The following PTPN1 variants were observed in gnomAD, a reference collection of about 807,000 sequenced individuals.
PTPN1 encodes tyrosine-protein phosphatase non-receptor type 1.
A neutral mutation model predicts 59.9 loss-of-function variants in PTPN1; 12 were observed. That is an observed-to-expected ratio of 0.20 (90% confidence interval 0.13 to 0.32). PTPN1 has a LOEUF of 0.32. Ranked by LOEUF, PTPN1 falls within the 10% of genes least tolerant of loss-of-function variation. PTPN1 has a pLI of 1.00. For missense variants in PTPN1, 356 were observed against 549.2 expected (o/e 0.65, Z 3.52); for synonymous variants, 178 against 203.6 (o/e 0.87, Z 1.07).
rs5841805 is a variant in PTPN1 at position 50,538,224 on chromosome 20, TAA to T, written c.64-23127_64-23126del. Among the ~76,000 whole-genome samples the T allele has an allele frequency of 3.3e-3, 475 of 145,448 alleles. 3 individuals carry two copies. Among genetic ancestry groups the T allele is most frequent in the African/African-American group, 0.011 (445 of 40,016 alleles). ...TTGATTTGAGGGTGTTGTAAAAAGT[TAA>T]AAAAAAAAAAACAGAAATGTGAAAA... On this transcript the variant is annotated intron_variant, in intron 1 of 9. Coordinates refer to ENST00000371621, the MANE Select transcript of PTPN1 (RefSeq NM_002827.4).
At position 50,583,779 on chromosome 20, in the gene PTPN1, C is replaced by T. The variant is rs2082882046; in HGVS notation, c.*1064C>T. The T allele has an allele frequency of 6.6e-6, 1 of 152,656 alleles. No homozygotes were observed. Among genetic ancestry groups the T allele is most frequent in the Admixed American group, 6.5e-5 (1 of 15,282 alleles). The allele number at this position is 152,656 out of a possible 1,614,324, so 9.5% of individuals were successfully genotyped here. A position where few individuals can be genotyped will look rare whatever the true frequency, so the allele number is the denominator to read the frequency against. ...CTGGTACAGCAGGGTCTTGCTGTAA[C>T]TCAGACATTCCAAGGGTATGGGAAG... On this transcript the variant is annotated 3_prime_UTR_variant, in exon 10 of 10. Coordinates refer to ENST00000371621, the MANE Select transcript of PTPN1 (RefSeq NM_002827.4).
intron 1 of PTPN1, among the ~76,000 whole-genome samples, chr20:50,558,315 AAAG>A (rs1394442616): frequency 6.6e-6 from 1 of 152,234 alleles, no homozygotes; most frequent in African/African-American, 2.4e-5. Flanking sequence ...AAAAAGGTCA[AAAG>A]AAGCAGATGA....
chr20:50,581,481 G>A (rs371496607), intron 9 of PTPN1, 21 bp downstream of exon 9: 21 of 1,583,828 alleles, frequency 1.3e-5, no homozygotes, highest in Middle Eastern at 3.4e-4. Flanking sequence ...ACTGACAGAC[G>A]CGCTGGCGAG....
In PTPN1 at chr20:50,583,080, T is replaced by A; in HGVS notation, c.*365T>A. ...GGCGGCACGCCAACAGCCCCCCCCTTGAATCTGCAGGGAGCAACTCTCCAC... is the reference window on the plus strand; with the variant it reads ...GGCGGCACGCCAACAGCCCCCCCCTAGAATCTGCAGGGAGCAACTCTCCAC... On this transcript the variant is annotated 3_prime_UTR_variant, in exon 10 of 10. Transcript: ENST00000371621. 3.4e-6 allele frequency: 1 copy of A among 291,828 alleles called. No individual in the cohort carries two copies. Among genetic ancestry groups the A allele is most frequent in the Non-Finnish European group, 6.4e-6 (1 of 155,330 alleles). 18.1% of individuals were successfully genotyped at this position (291,828 alleles called of 1,614,324 possible).
At chr20:50,578,835 G>T (rs1292918507) in intron 6 of PTPN1, among the ~76,000 whole-genome samples, 1 of 152,250 alleles carries the variant, frequency 6.6e-6, no homozygotes, top group African/African-American at 2.4e-5. Flanking sequence ...TCTGCAGGCT[G>T]TACAAGCATG....
At chr20:50,579,661 G>T in intron 7 of PTPN1, 42 bp from the exon 8 acceptor site, 1 of 1,555,126 alleles carries the variant, frequency 6.4e-7, no homozygotes, top group Non-Finnish European at 8.8e-7. Flanking sequence ...CAAACCAGCC[G>T]AAGTGAACAC....
chr20:50,565,962 T>C (rs1219320073), intron 3 of PTPN1, among the ~76,000 whole-genome samples: 2 of 152,238 alleles, frequency 1.3e-5, no homozygotes, highest in East Asian at 3.8e-4. Context: ...GAGGCCTTTC[T>C]TCACTGCCTT....
At chr20:50,549,401 C>T (rs1235131310) in intron 1 of PTPN1, among the ~76,000 whole-genome samples, 2 of 152,106 alleles carry the variant, frequency 1.3e-5, no homozygotes, top group Non-Finnish European at 2.9e-5. Context: ...GTTTGTAAAG[C>T]AGTTGATTGT....
intron 1 of PTPN1, among the ~76,000 whole-genome samples, chr20:50,528,701 GAGACTCCATCTTAAAAAAAAAAA>G (rs1343882999): frequency 4.4e-5 from 6 of 135,928 alleles, no homozygotes; most frequent in South Asian, 2.6e-4. Flanking sequence ...GTGACAGAGT[GAGACTCCATCTTAAAAAAAAAAA>G]AGACTCCATC....
chr20:50,546,971 C>G (rs1275200815), intron 1 of PTPN1, among the ~76,000 whole-genome samples: 1 of 152,158 alleles, frequency 6.6e-6, no homozygotes, highest in Non-Finnish European at 1.5e-5. Flanking sequence ...GTAAACAAAA[C>G]AGAAGTGAAA....
At chr20:50,551,062 C>G (rs1568786234) in intron 1 of PTPN1, among the ~76,000 whole-genome samples, 1 of 152,134 alleles carries the variant, frequency 6.6e-6, no homozygotes, top group Non-Finnish European at 1.5e-5. Context: ...GACTTTTTGC[C>G]TAATTGAGTT....
intron 9 of PTPN1, among the ~76,000 whole-genome samples, chr20:50,581,916 A>G (rs1401889657): frequency 6.6e-6 from 1 of 152,160 alleles, no homozygotes; most frequent in Non-Finnish European, 1.5e-5. Context: ...CAGCCATATA[A>G]TTTATATTTG....
chr20:50,516,225 A>ATTT (rs11481265), intron 1 of PTPN1, among the ~76,000 whole-genome samples: 1 of 151,054 alleles, frequency 6.6e-6, no homozygotes, highest in Admixed American at 6.6e-5. Flanking sequence ...CAAGTCTTTG[A>ATTT]TTTTTTTTTT....
At chr20:50,516,030 G>A (rs1191391468) in intron 1 of PTPN1, among the ~76,000 whole-genome samples, 4 of 152,264 alleles carry the variant, frequency 2.6e-5, no homozygotes, top group Middle Eastern at 3.4e-3. Flanking sequence ...CTTGGCCTAC[G>A]GTGAACTTTA....
intron 1 of PTPN1, among the ~76,000 whole-genome samples, chr20:50,513,677 A>G (rs955936437): frequency 6.6e-6 from 1 of 152,224 alleles, no homozygotes; most frequent in Admixed American, 6.5e-5. Flanking sequence ...AGCTGTTTTC[A>G]TTATGAAATA....
intron 1 of PTPN1, among the ~76,000 whole-genome samples, chr20:50,543,944 C>T (rs908992848): frequency 2.0e-5 from 3 of 152,028 alleles, no homozygotes; most frequent in African/African-American, 7.3e-5. Context: ...TTCCTGAGTT[C>T]AAGCAATTCT....
intron 1 of PTPN1, among the ~76,000 whole-genome samples, chr20:50,549,258 T>G (rs1272397912): frequency 1.3e-5 from 2 of 152,184 alleles, no homozygotes; most frequent in African/African-American, 4.8e-5. Flanking sequence ...GACCATTGTT[T>G]TATATTTGGA....
chr20:50,582,861 AC>A lies in PTPN1; in HGVS notation c.*149del, dbSNP rs987282177. The A allele has an allele frequency of 6.6e-6, 6 of 906,420 alleles. No homozygotes were observed. The highest frequency in any genetic ancestry group is 1.0e-5 in the Non-Finnish European group (6 of 584,578). The allele number at this position is 906,420 out of a possible 1,614,324, so 56.1% of individuals were successfully genotyped here. A position where few individuals can be genotyped will look rare whatever the true frequency, so the allele number is the denominator to read the frequency against. On this transcript the variant is annotated 3_prime_UTR_variant, in exon 10 of 10. Coordinates refer to ENST00000371621, the MANE Select transcript of PTPN1 (RefSeq NM_002827.4). The surrounding 1 kb of genome is among the most constrained non-coding windows in gnomAD (Gnocchi z 4.2). The stretch of plus-strand genomic sequence containing the variant: ...GGACGGACGTTGGTTCTGCACTAAA[AC>A]CCATCTTCCCCGGATGTGTGTCTCA...
intron 1 of PTPN1, among the ~76,000 whole-genome samples, chr20:50,521,029 G>A (rs992718705): frequency 3.3e-5 from 5 of 152,140 alleles, no homozygotes; most frequent in African/African-American, 9.7e-5. Flanking sequence ...TTATATGGCT[G>A]TGCCTGATCC....
Sources: allele counts gnomAD v4.1 joint callset (sites outside exome capture counted in the v4.1 genomes callset), GRCh38; gene constraint gnomAD v4.1.1; non-coding constraint Gnocchi (gnomAD v3.1); transcripts MANE v1.5; gene names NCBI Gene and HGNC (gene_info 2026-07-23, HGNC 2026-07-21).